HERC1: variants seen among roughly 807,000 people sequenced by gnomAD.
HERC1 encodes HECT and RLD domain containing E3 ubiquitin protein ligase family member 1, also known as probable E3 ubiquitin-protein ligase HERC1.
In HERC1, 160 loss-of-function variants were observed where a neutral mutation model predicts 554.3. The ratio of observed to expected loss-of-function variants is 0.29; its 90% confidence interval spans 0.25 to 0.33. HERC1 has a LOEUF of 0.33. Among genes scored for constraint, HERC1 ranks in the 10% least tolerant of loss-of-function variants. HERC1 has a pLI of 1.00. For synonymous variants in HERC1, 2,175 were observed against 2,131.7 expected, an observed-to-expected ratio of 1.02 and a Z score of -0.56; for missense variants, 4,919 against 5,918.5, an observed-to-expected ratio of 0.83 and a Z score of 5.54.
rs187557463 is a variant in HERC1, at chr15:63,712,198, A to C, written c.4584+577T>G. ...GTCTTGTGAAATGTGGAAGGTGGGC[A>C]CAAGGCAAGAGGTGAGGCAACCAGT... On this transcript the variant is annotated intron_variant, in intron 24 of 77. Coordinates refer to ENST00000443617, the MANE Select transcript of HERC1 (RefSeq NM_003922.4). Among the ~76,000 whole-genome samples the C allele has an allele frequency of 1.1e-4, 16 of 152,340 alleles. No individual in the cohort carries two copies. In the East Asian group the frequency reaches 2.1e-3, roughly 20 times the overall value.
chr15:63,704,693 T>G (rs12372939), intron 25 of HERC1, among the ~76,000 whole-genome samples: 75,736 of 150,420 alleles, frequency 0.5, 20,035 homozygotes, highest in African/African-American at 0.56. Flanking sequence ...CACATTATAC[T>G]AAACATCACT....
intron 25 of HERC1, among the ~76,000 whole-genome samples, chr15:63,699,872 CTTTAA>C (rs766352774): frequency 1.6e-4 from 25 of 152,134 alleles, no homozygotes; most frequent in Admixed American, 4.6e-4. Context: ...TCTTACAAAT[CTTTAA>C]TTTAACTGGT....
intron 51 of HERC1, among the ~76,000 whole-genome samples, chr15:63,653,571 T>C (rs952085062): frequency 6.6e-6 from 1 of 152,192 alleles, no homozygotes; most frequent in African/African-American, 2.4e-5. Flanking sequence ...GGTGATTGGT[T>C]CCATGATTCC....
chr15:63,820,967 T>G (rs1008662535), intron 1 of HERC1, among the ~76,000 whole-genome samples: 2 of 152,202 alleles, frequency 1.3e-5, no homozygotes. Flanking sequence ...AGCTAAAAAT[T>G]CAAGTTTTGT....
chr15:63,693,235 A>T (rs1264181337), intron 30 of HERC1, among the ~76,000 whole-genome samples: 3 of 117,250 alleles, frequency 2.6e-5, no homozygotes, highest in Non-Finnish European at 3.6e-5. Flanking sequence ...GGTGCTGGGG[A>T]ATTTTCTTTT....
intron 32 of HERC1, 71 bp downstream of exon 32, chr15:63,690,470 T>C (rs2057962637): frequency 4.3e-6 from 4 of 937,502 alleles, no homozygotes; most frequent in Non-Finnish European, 5.1e-6. Flanking sequence ...GAAGAGACTG[T>C]TAAGTACAGA....
At chr15:63,831,828 T>A (rs1357694114) in intron 1 of HERC1, among the ~76,000 whole-genome samples, 1 of 152,210 alleles carries the variant, frequency 6.6e-6, no homozygotes, top group Non-Finnish European at 1.5e-5. Flanking sequence ...ATGTTTATAT[T>A]AATAAGCAGA....
chr15:63,682,513 G>C (rs144129273), intron 34 of HERC1, among the ~76,000 whole-genome samples: 1 of 152,204 alleles, frequency 6.6e-6, no homozygotes, highest in South Asian at 2.1e-4. Flanking sequence ...GCTCACACCT[G>C]TAATCTTAGC....
At chr15:63,610,319 G>C (rs972105058) in intron 77 of HERC1, among the ~76,000 whole-genome samples, 2 of 152,168 alleles carry the variant, frequency 1.3e-5, no homozygotes, top group Admixed American at 6.5e-5. Flanking sequence ...GCAAGGAAGG[G>C]AGGTGCCACT....
intron 32 of HERC1, 133 bp downstream of exon 32, chr15:63,690,408 G>T (rs1567017592): frequency 1.7e-6 from 1 of 576,662 alleles, no homozygotes; most frequent in Non-Finnish European, 3.0e-6. Flanking sequence ...AATAAAGAAA[G>T]CAGTCCTAAA....
chr15:63,807,000 C>T (rs952897425), intron 1 of HERC1, among the ~76,000 whole-genome samples: 1 of 152,242 alleles, frequency 6.6e-6, no homozygotes, highest in African/African-American at 2.4e-5. Context: ...CCCACCTCGG[C>T]CTCCCAAAGT....
chr15:63,683,157 AAG>A (rs2071569635), intron 34 of HERC1, among the ~76,000 whole-genome samples: 1 of 151,634 alleles, frequency 6.6e-6, no homozygotes, highest in South Asian at 2.1e-4. Flanking sequence ...AAAAAAAAGA[AAG>A]AAAAAAAATT....
Position 63,645,051 on chromosome 15 carries a change from T to C in HERC1, c.11125A>G (p.Thr3709Ala), listed in dbSNP as rs755568838. The C allele has an allele frequency of 4.3e-6, 7 of 1,613,860 alleles. No homozygotes were observed. In the South Asian group the frequency reaches 5.5e-5, roughly 13 times the overall value. ...LVCVWRIPQD[T>A]TQTNVTSAEG... is the part of the protein sequence containing the mutation. ...GCACTAGTCACATTGGTCTGTGTAG[T>C]ATCTTGAGGAATGCGCCAAACACAT... Residue 3709 changes from threonine (T) to alanine (A), a missense_variant, in exon 57 of 78, where the codon ACT (threonine) becomes GCT (alanine). This residue lies in a region of HERC1 where 1,963 missense variants were observed against 2,228.6 expected (regional missense o/e 0.88). Coordinates refer to ENST00000443617, the MANE Select transcript of HERC1 (RefSeq NM_003922.4).
chr15:63,732,795 G>GT, intron 14 of HERC1, 129 bp downstream of exon 14: 2 of 624,120 alleles, frequency 3.2e-6, no homozygotes, highest in Non-Finnish European at 2.8e-6. Flanking sequence ...ACCCTGACAT[G>GT]TTTTTCCCCT....
At chr15:63,799,491 C>A (rs1955366477) in intron 1 of HERC1, among the ~76,000 whole-genome samples, 1 of 150,484 alleles carries the variant, frequency 6.6e-6, no homozygotes, top group Admixed American at 6.6e-5. Context: ...TAGAGCAAGA[C>A]TCTGCCTCTA....
Position 63,672,501 on chromosome 15 carries a change from A to G in HERC1, c.8040T>C (p.Leu2680=). The G allele has an allele frequency of 1.9e-6, 3 of 1,589,314 alleles. No homozygotes were observed. The highest frequency in any genetic ancestry group is 2.6e-6 in the Non-Finnish European group (3 of 1,167,304). ...SESPGVMPLS[L]LRQMFSSYPT... ...TTAAAGGTCAACTTCTCTACCTGAG[A>G]AGACTAAGAGGCATCACTCCCGGGG... The change falls in exon 39 of 78, where the codon CTT becomes CTC. Residue 2680 remains leucine (L), a synonymous_variant. Coordinates refer to ENST00000443617, the MANE Select transcript of HERC1 (RefSeq NM_003922.4).
At chr15:63,801,879 T>C (rs569251252) in intron 1 of HERC1, among the ~76,000 whole-genome samples, 1 of 152,256 alleles carries the variant, frequency 6.6e-6, no homozygotes, top group South Asian at 2.1e-4. Flanking sequence ...TGCTAATGAA[T>C]CCAGTCAAAA....
In HERC1 at chr15:63,749,589, T is replaced by C; in HGVS notation, c.2048-51A>G. The C allele has an allele frequency of 1.3e-6, 2 of 1,574,032 alleles. No homozygotes were observed. Among genetic ancestry groups the C allele is most frequent in the Non-Finnish European group, 1.7e-6 (2 of 1,160,906 alleles). ...ATAAAAGAAAAGCCAAATTCAAATG[T>C]AATATATTTACACAAGACAACAGTT... On this transcript the variant is annotated intron_variant, in intron 9 of 77. Coordinates refer to ENST00000443617, the MANE Select transcript of HERC1 (RefSeq NM_003922.4). This position sits in a 1 kb window ranked among gnomAD's most constrained non-coding sequence, Gnocchi z 4.1.
intron 1 of HERC1, among the ~76,000 whole-genome samples, chr15:63,780,254 T>C (rs530947411): frequency 2.4e-4 from 37 of 152,264 alleles, no homozygotes; most frequent in African/African-American, 8.2e-4. Flanking sequence ...ATTTTGTGAT[T>C]ACTATGAATG....
Sources: allele counts gnomAD v4.1 joint callset (sites outside exome capture counted in the v4.1 genomes callset), GRCh38; gene constraint gnomAD v4.1.1; regional missense constraint gnomAD v4.1.1; non-coding constraint Gnocchi (gnomAD v3.1); transcripts MANE v1.5; gene names NCBI Gene and HGNC (gene_info 2026-07-23, HGNC 2026-07-21).